Variants in GRID2 observed in about 807,000 individuals in gnomAD.
GRID2 encodes glutamate ionotropic receptor delta type subunit 2.
In GRID2, 33 loss-of-function variants were observed where a neutral mutation model predicts 114.8. That is an observed-to-expected ratio of 0.29 (90% CI 0.22 to 0.38). The LOEUF is 0.38. GRID2 is among the 10% of genes least tolerant of loss of function. The probability of loss-of-function intolerance (pLI) is 1.00; values close to 1 mark genes in which losing one functional copy is unlikely to be tolerated. For synonymous variants in GRID2, 505 were observed against 449.9 expected (o/e 1.12, Z -1.55); for missense variants, 1,184 against 1,257.7 (o/e 0.94, Z 0.89).
intron 12 of GRID2, among the ~76,000 whole-genome samples, chr4:93,507,237 A>C (rs1163448103): frequency 6.6e-6 from 1 of 152,156 alleles, no homozygotes; most frequent in Non-Finnish European, 1.5e-5. Flanking sequence ...TGATACCTTT[A>C]CATTTCACCA....
At chr4:92,366,048 A>G (rs1728845601) in intron 1 of GRID2, among the ~76,000 whole-genome samples, 2 of 152,110 alleles carry the variant, frequency 1.3e-5, no homozygotes, top group Non-Finnish European at 2.9e-5. Context: ...TATTATTACT[A>G]TGTACTTCCC....
intron 1 of GRID2, among the ~76,000 whole-genome samples, chr4:92,498,779 C>T (rs1345303199): frequency 6.6e-6 from 1 of 151,582 alleles, no homozygotes; most frequent in African/African-American, 2.4e-5. Flanking sequence ...ACACATATTC[C>T]TTCAGAATGT....
At chr4:93,662,024 C>T (rs1354573448) in intron 14 of GRID2, among the ~76,000 whole-genome samples, 1 of 152,190 alleles carries the variant, frequency 6.6e-6, no homozygotes, top group Admixed American at 6.5e-5. Context: ...TCCCCCCAAC[C>T]CTTGCTCATT....
chr4:93,647,532 C>T (rs150869058), intron 14 of GRID2, among the ~76,000 whole-genome samples: 8 of 152,302 alleles, frequency 5.3e-5, no homozygotes, highest in African/African-American at 1.9e-4. Context: ...TCCTTGTTCT[C>T]ATTCAGGAGA....
At chr4:93,787,154 G>A (rs940313084) in intron 1 of GRID2, among the ~76,000 whole-genome samples, 11 of 151,888 alleles carry the variant, frequency 7.2e-5, no homozygotes, top group Admixed American at 7.2e-4. Flanking sequence ...AGAGAACATG[G>A]AGGATTGTGG....
At chr4:93,391,367 C>T (rs1764839141) in intron 8 of GRID2, among the ~76,000 whole-genome samples, 1 of 152,136 alleles carries the variant, frequency 6.6e-6, no homozygotes, top group Non-Finnish European at 1.5e-5. Context: ...AAGTGGCTGG[C>T]TTTTAAGCTG....
At chr4:93,751,967 A>G (rs1732358390) in intron 14 of GRID2, among the ~76,000 whole-genome samples, 1 of 149,690 alleles carries the variant, frequency 6.7e-6, no homozygotes, top group South Asian at 2.1e-4. Context: ...GCACACCTGA[A>G]CATTCTTTTT....
At chr4:92,809,648 TCTC>T (rs775190056) in intron 2 of GRID2, among the ~76,000 whole-genome samples, 3 of 151,908 alleles carry the variant, frequency 2.0e-5, no homozygotes, top group Admixed American at 6.6e-5. Flanking sequence ...GCATGAATAA[TCTC>T]CTTCTTGATC....
chr4:93,084,864 G>A (rs1730192194), intron 2 of GRID2, 131 bp from the exon 3 acceptor site: 2 of 649,252 alleles, frequency 3.1e-6, no homozygotes, highest in African/African-American at 1.8e-5. Context: ...TCCTCATATC[G>A]AATGTTCCTT....
At chr4:92,626,543 T>A (rs1025973765) in intron 2 of GRID2, among the ~76,000 whole-genome samples, 1 of 152,158 alleles carries the variant, frequency 6.6e-6, no homozygotes, top group South Asian at 2.1e-4. Context: ...AAAAATCTCT[T>A]CTGAGAATTT....
At chr4:92,989,194 G>A (rs185494622) in intron 2 of GRID2, among the ~76,000 whole-genome samples, 2,219 of 148,242 alleles carry the variant, frequency 0.015, 26 homozygotes, top group South Asian at 0.045. Flanking sequence ...GAAGAATGGC[G>A]TGAACCCGGG....
chr4:92,868,031 T>A (rs1046507073), intron 2 of GRID2, among the ~76,000 whole-genome samples: 1 of 120,224 alleles, frequency 8.3e-6, no homozygotes, highest in Non-Finnish European at 1.7e-5. Context: ...TTTCTTTCTT[T>A]CTTTCTTTCT....
chr4:93,243,842 C>A (rs1312012472), intron 8 of GRID2, among the ~76,000 whole-genome samples: 4 of 152,136 alleles, frequency 2.6e-5, no homozygotes, highest in Admixed American at 2.6e-4. Context: ...CATGTTAGCA[C>A]ATTGTATATA....
chr4:92,317,359 A>T (rs997793863), intron 1 of GRID2, among the ~76,000 whole-genome samples: 9 of 152,210 alleles, frequency 5.9e-5, no homozygotes, highest in African/African-American at 2.2e-4. Context: ...TTAGGAAAAC[A>T]TATTTATATA....
At chr4:93,537,935 C>T (rs1023465935) in intron 13 of GRID2, among the ~76,000 whole-genome samples, 6 of 151,708 alleles carry the variant, frequency 4.0e-5, no homozygotes, top group African/African-American at 1.4e-4. Context: ...CAAATTTTCA[C>T]AAATCAATAA....
At chr4:92,875,933 A>C (rs978632423) in intron 2 of GRID2, among the ~76,000 whole-genome samples, 1 of 152,196 alleles carries the variant, frequency 6.6e-6, no homozygotes, top group African/African-American at 2.4e-5. Flanking sequence ...TCAATTGAGG[A>C]AAGTTCTTGC....
chr4:92,410,671 T>C (rs1201155658), intron 1 of GRID2, among the ~76,000 whole-genome samples: 6 of 152,152 alleles, frequency 3.9e-5, no homozygotes, highest in African/African-American at 1.4e-4. Context: ...TGAGCCTCTC[T>C]TACATCATTT....
intron 13 of GRID2, among the ~76,000 whole-genome samples, chr4:93,577,345 C>T (rs927091571): frequency 1.2e-4 from 18 of 152,092 alleles, no homozygotes; most frequent in African/African-American, 4.3e-4. Flanking sequence ...AATGCAAAGG[C>T]AGCCACTAAA....
intron 14 of GRID2, among the ~76,000 whole-genome samples, chr4:93,656,587 T>C (rs963818973): frequency 1.3e-5 from 2 of 151,570 alleles, no homozygotes; most frequent in African/African-American, 4.8e-5. Flanking sequence ...TCCCAGCACT[T>C]TGGGAGGCTG....
Sources: allele counts gnomAD v4.1 joint callset (sites outside exome capture counted in the v4.1 genomes callset), GRCh38; gene constraint gnomAD v4.1.1; transcripts MANE v1.5; gene names NCBI Gene and HGNC (gene_info 2026-07-23, HGNC 2026-07-21).